COP1: variants seen among roughly 807,000 people sequenced by gnomAD.
The protein encoded by COP1 is E3 ubiquitin-protein ligase COP1.
In COP1, 24 loss-of-function variants were observed where a neutral mutation model predicts 101.3. That is an observed-to-expected ratio of 0.24 (90% CI 0.17 to 0.33). The LOEUF is 0.33. Ranked by LOEUF, COP1 falls within the 10% of genes least tolerant of loss-of-function variation. COP1 has a pLI of 1.00. For missense variants in COP1, 663 were observed against 906.2 expected, an observed-to-expected ratio of 0.73 and a Z score of 3.45; for synonymous variants, 347 against 341.9, an observed-to-expected ratio of 1.01 and a Z score of -0.17.
At chr1:176,165,667 T>C (rs1318942694) in intron 3 of COP1, among the ~76,000 whole-genome samples, 7 of 151,926 alleles carry the variant, frequency 4.6e-5, no homozygotes, top group Admixed American at 1.3e-4. Context: ...GCCTAGGAGA[T>C]AGAGCTAGAC....
chr1:176,006,749 TA>T (rs1481281527), intron 15 of COP1, among the ~76,000 whole-genome samples: 1 of 152,224 alleles, frequency 6.6e-6, no homozygotes, highest in Non-Finnish European at 1.5e-5. Flanking sequence ...CCTTTGTAGG[TA>T]ACCCGACCTT....
Position 176,139,625 on chromosome 1 carries a change from A to G in COP1, c.832-3078T>C, listed in dbSNP as rs560098231. Among the ~76,000 whole-genome samples, 4 of 152,328 alleles carry G rather than the reference A, an allele frequency of 2.6e-5. No homozygotes were observed. The East Asian group carries it at 7.7e-4, about 29-fold the overall frequency. On this transcript the variant is annotated intron_variant, in intron 6 of 19. Transcript: ENST00000367669. Reference sequence around the variant, plus strand: ...ATACAGAGACACCGTGGAATACTGTACAGCCATAAAAAGAACAAATCATGT... The same window carrying G: ...ATACAGAGACACCGTGGAATACTGTGCAGCCATAAAAAGAACAAATCATGT...
intron 6 of COP1, among the ~76,000 whole-genome samples, chr1:176,142,865 A>T (rs1468254727): frequency 6.6e-6 from 1 of 151,974 alleles, no homozygotes; most frequent in Non-Finnish European, 1.5e-5. Flanking sequence ...GGTACAGATT[A>T]AAAAATAAGA....
chr1:176,124,666 T>C (rs1359804224), intron 8 of COP1, among the ~76,000 whole-genome samples: 1 of 152,226 alleles, frequency 6.6e-6, no homozygotes, highest in Non-Finnish European at 1.5e-5. Flanking sequence ...AATTCATTCA[T>C]CTGTTGATGG....
rs973066299 is a variant in COP1, at chr1:176,147,361, A to T, written c.831+1645T>A. Reference sequence around the variant, plus strand: ...TTGTGAAATTCAAGAAATTTAATCAAAGTAGTAGATAAACGTTTACAATTT... The same window carrying T: ...TTGTGAAATTCAAGAAATTTAATCATAGTAGTAGATAAACGTTTACAATTT... On this transcript the variant is annotated intron_variant, in intron 6 of 19. Coordinates refer to ENST00000367669, the MANE Select transcript of COP1 (RefSeq NM_022457.7). Among the ~76,000 whole-genome samples the T allele has an allele frequency of 1.6e-3, 245 of 152,304 alleles. 1 individual carries two copies. Among genetic ancestry groups the T allele is most frequent in the Non-Finnish European group, 3.1e-4 (21 of 68,016 alleles).
At position 176,047,282 on chromosome 1, in the gene COP1, A is replaced by T. The variant is rs1363879264; in HGVS notation, c.1278-958T>A. Among the ~76,000 whole-genome samples, 3 of 152,178 alleles carry T rather than the reference A, an allele frequency of 2.0e-5. No homozygotes were observed. The East Asian group carries it at 5.8e-4, about 29-fold the overall frequency. On this transcript the variant is annotated intron_variant, in intron 11 of 19. Coordinates refer to ENST00000367669, the MANE Select transcript of COP1 (RefSeq NM_022457.7). ...ATTCATTAATCATTCACTTACTAAA[A>T]CATTTTGCATGTATTACCTCATTTA...
chr1:176,151,334 AG>A lies in COP1; in HGVS notation c.763-2261del, dbSNP rs1344789875. ...GAGAAAGAAAGAAGGAAAGAAAGAA[AG>A]AAGGAAGGAAAGAAAGAAAAAGAAA... On this transcript the variant is annotated intron_variant, in intron 5 of 19. Transcript: ENST00000367669. 4.8e-3 allele frequency among the ~76,000 whole-genome samples: 688 copies of A among 144,396 alleles called. 2 individuals carry two copies. The highest frequency in any genetic ancestry group is 0.027 in the Middle Eastern group (7 of 262). The allele number at this position is 144,396 out of a possible 152,430, so 94.7% of individuals were successfully genotyped here.
At chr1:176,129,417 C>T (rs1412765278) in intron 8 of COP1, among the ~76,000 whole-genome samples, 1 of 151,806 alleles carries the variant, frequency 6.6e-6, no homozygotes, top group East Asian at 1.9e-4. Context: ...AGGATTCAAA[C>T]TAATGCATGT....
chr1:176,196,398 T>C (rs962426264), intron 1 of COP1, among the ~76,000 whole-genome samples: 3 of 151,978 alleles, frequency 2.0e-5, no homozygotes, highest in African/African-American at 7.3e-5. Flanking sequence ...AGAACACAAA[T>C]TATCAATATC....
At chr1:176,027,820 G>C (rs1365576416) in intron 14 of COP1, 132 bp from the exon 15 acceptor site, 1 of 622,598 alleles carries the variant, frequency 1.6e-6, no homozygotes, top group African/African-American at 1.8e-5. Flanking sequence ...GGTTTACTAG[G>C]ACTAAAAGTG....
In COP1 at chr1:176,020,709, T is replaced by C. The variant is rs748403521; in HGVS notation, c.1729+6863A>G. On this transcript the variant is annotated intron_variant, in intron 15 of 19. Coordinates refer to ENST00000367669, the MANE Select transcript of COP1 (RefSeq NM_022457.7). Reference sequence around the variant, plus strand: ...ACAACAACGAAATTATATTGTGGGCTTTATCACTGGGAAATGTAGGAAAAT... The same window carrying C: ...ACAACAACGAAATTATATTGTGGGCCTTATCACTGGGAAATGTAGGAAAAT... Among the ~76,000 whole-genome samples, 8 of 152,282 alleles carry C rather than the reference T, an allele frequency of 5.3e-5. No homozygotes were observed. The South Asian group carries it at 6.2e-4, about 12-fold the overall frequency.
intron 5 of COP1, among the ~76,000 whole-genome samples, chr1:176,161,294 A>C (rs1407064161): frequency 1.3e-5 from 2 of 152,166 alleles, no homozygotes; most frequent in Admixed American, 1.3e-4. Flanking sequence ...ATCTCTCATA[A>C]AAAGTCATTT....
chr1:176,136,638 T>C (rs1689839378), intron 6 of COP1, 91 bp from the exon 7 acceptor site: 2 of 791,340 alleles, frequency 2.5e-6, no homozygotes, highest in Middle Eastern at 3.0e-4. Context: ...AAATTTACAT[T>C]AGGAAAATAA....
chr1:175,963,255 T>C (rs979479365), intron 18 of COP1, among the ~76,000 whole-genome samples: 1 of 152,024 alleles, frequency 6.6e-6, no homozygotes, highest in Admixed American at 6.6e-5. Flanking sequence ...TTTTTTTTTT[T>C]CTCTCAGTAT....
intron 9 of COP1, among the ~76,000 whole-genome samples, chr1:176,115,634 G>C (rs1189117638): frequency 6.7e-6 from 1 of 150,122 alleles, no homozygotes; most frequent in Admixed American, 6.7e-5. Context: ...CTGTAGTCCC[G>C]ACTACTTGGG....
intron 6 of COP1, among the ~76,000 whole-genome samples, chr1:176,141,900 T>A (rs1333853255): frequency 6.6e-6 from 1 of 152,038 alleles, no homozygotes; most frequent in Non-Finnish European, 1.5e-5. Context: ...TCCACGAATT[T>A]TTTTTTAATT....
intron 1 of COP1, among the ~76,000 whole-genome samples, chr1:176,188,032 T>A (rs954343940): frequency 3.3e-5 from 5 of 151,920 alleles, no homozygotes; most frequent in Non-Finnish European, 7.4e-5. Context: ...ATCAGGCAGA[T>A]CCAGAGAGCA....
At chr1:176,042,815 G>A (rs1670856389) in intron 14 of COP1, among the ~76,000 whole-genome samples, 1 of 151,094 alleles carries the variant, frequency 6.6e-6, no homozygotes, top group Admixed American at 6.6e-5. Flanking sequence ...GATCACTTGA[G>A]GTCAGGAGTT....
intron 1 of COP1, among the ~76,000 whole-genome samples, chr1:176,201,185 C>T (rs542955742): frequency 1.3e-5 from 2 of 151,962 alleles, no homozygotes; most frequent in South Asian, 2.1e-4. Flanking sequence ...TTCTAAAATT[C>T]GAAAACAAAA....
Sources: allele counts gnomAD v4.1 joint callset (sites outside exome capture counted in the v4.1 genomes callset), GRCh38; gene constraint gnomAD v4.1.1; transcripts MANE v1.5; gene names NCBI Gene and HGNC (gene_info 2026-07-23, HGNC 2026-07-21).